Variants in AHCYL2 observed in about 807,000 individuals in gnomAD.
The protein encoded by AHCYL2 is S-adenosylhomocysteine hydrolase-like protein 2.
Under a neutral mutation model 81.4 loss-of-function variants are expected in AHCYL2, and 28 were observed. The ratio of observed to expected loss-of-function variants is 0.34; its 90% CI spans 0.25 to 0.47. The LOEUF (loss-of-function observed/expected upper bound fraction) is 0.47. Among genes scored for constraint, AHCYL2 ranks in the 20% least tolerant of loss-of-function variants. AHCYL2 has a pLI of 1.00. For synonymous variants in AHCYL2, 272 were observed against 290.2 expected (o/e 0.94, Z 0.64); for missense variants, 551 against 785.1 (o/e 0.70, Z 3.56).
intron 1 of AHCYL2, among the ~76,000 whole-genome samples, chr7:129,340,772 A>G (rs944962331): frequency 6.6e-6 from 1 of 152,192 alleles, no homozygotes; most frequent in African/African-American, 2.4e-5. Flanking sequence ...TATTGAGATC[A>G]TATGATATTT....
intron 1 of AHCYL2, among the ~76,000 whole-genome samples, chr7:129,370,384 T>C (rs13224964): frequency 0.026 from 3,596 of 136,878 alleles, 74 homozygotes; most frequent in Admixed American, 0.067. Context: ...TGTTGTGTCT[T>C]GGTTGGTAAA....
At chr7:129,229,396 A>G (rs1335446917) in intron 1 of AHCYL2, among the ~76,000 whole-genome samples, 2 of 152,174 alleles carry the variant, frequency 1.3e-5, no homozygotes, top group East Asian at 1.9e-4. Flanking sequence ...GGGTTCTGTA[A>G]TCCTCACAAC....
intron 1 of AHCYL2, among the ~76,000 whole-genome samples, chr7:129,263,288 G>T (rs995680149): frequency 1.3e-5 from 2 of 152,132 alleles, no homozygotes; most frequent in Admixed American, 6.5e-5. Context: ...GATAAATAAG[G>T]CATGGTAGAA....
chr7:129,318,700 A>G (rs1297137392), intron 1 of AHCYL2, among the ~76,000 whole-genome samples: 1 of 152,224 alleles, frequency 6.6e-6, no homozygotes, highest in Non-Finnish European at 1.5e-5. Flanking sequence ...GTAAAGTACT[A>G]AAAGAAACCA....
intron 1 of AHCYL2, among the ~76,000 whole-genome samples, chr7:129,250,182 C>T (rs1410955143): frequency 6.6e-6 from 1 of 152,076 alleles, no homozygotes; most frequent in African/African-American, 2.4e-5. Flanking sequence ...AATTGTAGTC[C>T]TAGTTACCTG....
chr7:129,428,833 C>G lies in AHCYL2; in HGVS notation c.*1788C>G, dbSNP rs1240279061. 6.6e-6 allele frequency: 1 copy of G among 152,220 alleles called. No individual in the cohort carries two copies. The highest frequency in any genetic ancestry group is 2.4e-5 in the African/African-American group (1 of 41,454). The allele number at this position is 152,220 out of a possible 1,614,324, so 9.4% of individuals were successfully genotyped here. Reference sequence around the variant, plus strand: ...ACAGTTCTTCAGAGGCCATATGTCTCAGCAAGTACTGGTTATATTCTTTTT... The same window carrying G: ...ACAGTTCTTCAGAGGCCATATGTCTGAGCAAGTACTGGTTATATTCTTTTT... On this transcript the variant is annotated 3_prime_UTR_variant, in exon 17 of 17. Coordinates refer to ENST00000325006, the MANE Select transcript of AHCYL2 (RefSeq NM_015328.4).
chr7:129,225,365 C>T lies in AHCYL2; in HGVS notation c.289C>T (p.Arg97Trp). 1 of 1,516,324 alleles carries T rather than the reference C, an allele frequency of 6.6e-7. No homozygotes were observed. The highest frequency in any genetic ancestry group is 8.8e-7 in the Non-Finnish European group (1 of 1,138,464). The allele number at this position is 1,516,324 out of a possible 1,614,324, so 93.9% of individuals were successfully genotyped here. A position where few individuals can be genotyped will look rare whatever the true frequency, so the allele number is the denominator to read the frequency against. The change falls in exon 1 of 17, where the codon CGG becomes TGG. Residue 97 changes from arginine to tryptophan, a missense_variant. By Grantham distance (101) the Arg-to-Trp change is moderately radical (BLOSUM62 -3). Transcript: ENST00000325006. The stretch of plus-strand genomic sequence containing the variant: ...GAGCGACCCACATCACCAGCACCAG[C>T]GGCACCGCGACGGCGGCGAGGCCCT... ...KRSDPHHQHQ[R>W]HRDGGEALVS...
intron 1 of AHCYL2, among the ~76,000 whole-genome samples, chr7:129,255,287 A>C (rs1795375102): frequency 6.6e-6 from 1 of 152,168 alleles, no homozygotes; most frequent in Admixed American, 6.5e-5. Context: ...GTAAAAAGAA[A>C]CAAGTGAAAT....
Position 129,389,574 on chromosome 7 carries a change from T to C in AHCYL2, c.620-60T>C, listed in dbSNP as rs1795368376. The C allele has an allele frequency of 3.6e-6, 5 of 1,387,314 alleles. No homozygotes were observed. The Admixed American group carries it at 6.4e-5, about 18-fold the overall frequency. 85.9% of individuals were successfully genotyped at this position (1,387,314 alleles called of 1,614,324 possible). A position where few individuals can be genotyped will look rare whatever the true frequency, so the allele number is the denominator to read the frequency against. On this transcript the variant is annotated intron_variant, in intron 3 of 16. Coordinates refer to ENST00000325006, the MANE Select transcript of AHCYL2 (RefSeq NM_015328.4). The stretch of plus-strand genomic sequence containing the variant: ...ACTTAAGAAAACAAGTTTTTCTGTT[T>C]GTTCTTTTATCTCTTATTCCTTCTT...
In AHCYL2 at chr7:129,225,255, C is replaced by A; in HGVS notation, c.179C>A (p.Pro60His). 3.4e-6 allele frequency: 5 copies of A among 1,457,310 alleles called. No individual in the cohort carries two copies. The South Asian group carries it at 5.4e-5, about 16-fold the overall frequency. 90.3% of individuals were successfully genotyped at this position (1,457,310 alleles called of 1,614,324 possible). ...PEAPAPAAER[P>H]PVPGPGSGPA... ...GCTCCAGCTCCCGCCGCGGAGCGGCCCCCGGTCCCCGGCCCGGGCTCGGGG... is the reference window on the plus strand; with the variant it reads ...GCTCCAGCTCCCGCCGCGGAGCGGCACCCGGTCCCCGGCCCGGGCTCGGGG... The change falls in exon 1 of 17, where the codon CCC becomes CAC. Residue 60 changes from proline (P) to histidine (H), a missense_variant. Transcript: ENST00000325006.
chr7:129,225,076 G>A lies in AHCYL2; in HGVS notation c.-1G>A. 1 of 1,589,910 alleles carries A rather than the reference G, an allele frequency of 6.3e-7. No homozygotes were observed. Among genetic ancestry groups the A allele is most frequent in the Middle Eastern group, 1.8e-4 (1 of 5,598 alleles). On this transcript the variant is annotated 5_prime_UTR_variant, in exon 1 of 17. Coordinates refer to ENST00000325006, the MANE Select transcript of AHCYL2 (RefSeq NM_015328.4). ...AGCCGGTGGTTGCAGCGGAGGCGGTGATGTCGGTGCAGGTTGTGTCAGCCG... is the reference window on the plus strand; with the variant it reads ...AGCCGGTGGTTGCAGCGGAGGCGGTAATGTCGGTGCAGGTTGTGTCAGCCG...
intron 1 of AHCYL2, among the ~76,000 whole-genome samples, chr7:129,366,875 G>T (rs1794141373): frequency 6.6e-6 from 1 of 152,038 alleles, no homozygotes; most frequent in Admixed American, 6.6e-5. Flanking sequence ...ATGTGCCCAA[G>T]GTGGTCAGAA....
intron 1 of AHCYL2, among the ~76,000 whole-genome samples, chr7:129,370,682 G>C (rs180825777): frequency 4.6e-5 from 7 of 152,080 alleles, no homozygotes; most frequent in Non-Finnish European, 1.5e-5. Flanking sequence ...TGGGCGACAG[G>C]GTGAGACTCC....
rs565458540 is a variant in AHCYL2, at chr7:129,403,462, G to A, written c.1002G>A (p.Glu334=). The A allele has an allele frequency of 6.2e-7, 1 of 1,609,958 alleles. No homozygotes were observed. The highest frequency in any genetic ancestry group is 1.1e-5 in the South Asian group (1 of 90,510). The change falls in exon 7 of 17, where the codon GAG becomes GAA. Residue 334 remains glutamate (E), a synonymous_variant. Coordinates refer to ENST00000325006, the MANE Select transcript of AHCYL2 (RefSeq NM_015328.4). ...NMFKKIKGIV[E]ESVTGVHRLY... The stretch of plus-strand genomic sequence containing the variant: ...TTAAGAAAATCAAGGGCATAGTAGA[G>A]GAGAGTGTTACTGGAGTTCACAGGT...
In AHCYL2 at chr7:129,419,842, T is replaced by C. The variant is rs559244564; in HGVS notation, c.1462-2998T>C. ...TTTATGGTGGGATGTACACCTGGTTTGGGAAGGTAGTCTGCACAGGAATCC... is the reference window on the plus strand; with the variant it reads ...TTTATGGTGGGATGTACACCTGGTTCGGGAAGGTAGTCTGCACAGGAATCC... On this transcript the variant is annotated intron_variant, in intron 12 of 16. Transcript: ENST00000325006. This position sits in a 1 kb window ranked among gnomAD's most constrained non-coding sequence, Gnocchi z 4.7. Among the ~76,000 whole-genome samples, 2 of 152,328 alleles carry C rather than the reference T, an allele frequency of 1.3e-5. No homozygotes were observed. The highest frequency in any genetic ancestry group is 4.1e-4 in the South Asian group (2 of 4,820).
At chr7:129,233,578 C>T (rs994237761) in intron 1 of AHCYL2, among the ~76,000 whole-genome samples, 3 of 152,164 alleles carry the variant, frequency 2.0e-5, no homozygotes, top group African/African-American at 7.2e-5. Context: ...ACCTCCGCCT[C>T]CCGGGTTCAA....
chr7:129,331,184 A>G (rs1798404831), intron 1 of AHCYL2, among the ~76,000 whole-genome samples: 1 of 152,194 alleles, frequency 6.6e-6, no homozygotes, highest in Non-Finnish European at 1.5e-5. Flanking sequence ...CTCTGTGCGG[A>G]TGAAGGGGTG....
chr7:129,322,094 C>T (rs1235442370), intron 1 of AHCYL2, among the ~76,000 whole-genome samples: 4 of 144,712 alleles, frequency 2.8e-5, no homozygotes, highest in African/African-American at 1.1e-4. Flanking sequence ...CCAAGTAAGC[C>T]TTCTGGGCCA....
At chr7:129,364,453 G>T (rs1794036328) in intron 1 of AHCYL2, among the ~76,000 whole-genome samples, 1 of 152,036 alleles carries the variant, frequency 6.6e-6, no homozygotes, top group Non-Finnish European at 1.5e-5. Context: ...ACTGCACCTG[G>T]CTAAGTTTTG....
Sources: gnomAD v4.1 joint callset for allele counts (sites outside exome capture counted in the v4.1 genomes callset) on GRCh38, gnomAD v4.1.1 for gene constraint, Gnocchi (gnomAD v3.1) non-coding constraint, MANE v1.5 for transcripts, NCBI Gene and HGNC (gene_info 2026-07-23, HGNC 2026-07-21) for gene names.